CSMD1: variants seen among roughly 807,000 people sequenced by gnomAD.
The protein encoded by CSMD1 is CUB and sushi domain-containing protein 1.
In CSMD1, 213 loss-of-function variants were observed where a neutral mutation model predicts 417.5. The ratio of observed to expected loss-of-function variants is 0.51; its 90% CI spans 0.46 to 0.57. The LOEUF (loss-of-function observed/expected upper bound fraction) is 0.57, where lower values mean the gene tolerates loss of function less well. Among genes scored for constraint, CSMD1 ranks in the 20% least tolerant of loss-of-function variants. The probability of loss-of-function intolerance (pLI) is 0.00; values close to 1 mark genes in which losing one functional copy is unlikely to be tolerated. For missense variants in CSMD1, 6,923 were observed against 4,529.7 expected, an observed-to-expected ratio of 1.53 and a Z score of -15.17; for synonymous variants, 2,862 against 1,736.8, an observed-to-expected ratio of 1.65 and a Z score of -16.11.
intron 2 of CSMD1, among the ~76,000 whole-genome samples, chr8:4,526,180 A>C (rs1384907441): frequency 6.6e-6 from 1 of 152,228 alleles, no homozygotes; most frequent in Non-Finnish European, 1.5e-5. Context: ...GTGATTTTTG[A>C]GTAGAAACTT....
At chr8:4,441,569 T>A (rs1253788766) in intron 2 of CSMD1, among the ~76,000 whole-genome samples, 1 of 152,156 alleles carries the variant, frequency 6.6e-6, no homozygotes, top group East Asian at 1.9e-4. Flanking sequence ...GCCTATCTCA[T>A]CTATGCAAAC....
intron 3 of CSMD1, among the ~76,000 whole-genome samples, chr8:4,081,276 G>A (rs141085322): frequency 7.2e-5 from 11 of 152,294 alleles, no homozygotes; most frequent in South Asian, 4.1e-4. Context: ...TACGCCCAGC[G>A]ATTCTCGTCT....
chr8:3,619,248 C>A (rs1802297957), intron 7 of CSMD1, among the ~76,000 whole-genome samples: 1 of 152,174 alleles, frequency 6.6e-6, no homozygotes, highest in East Asian at 1.9e-4. Flanking sequence ...ACATGTACCC[C>A]CCAAAAACGT....
chr8:3,573,679 A>C (rs1311768730), intron 10 of CSMD1, among the ~76,000 whole-genome samples: 1 of 152,222 alleles, frequency 6.6e-6, no homozygotes, highest in Admixed American at 6.5e-5. Context: ...GCAACCCAAC[A>C]GCTTTGAGAG....
At chr8:4,250,941 G>T (rs1803027109) in intron 3 of CSMD1, among the ~76,000 whole-genome samples, 1 of 152,118 alleles carries the variant, frequency 6.6e-6, no homozygotes, top group Admixed American at 6.5e-5. Context: ...CTTTTCTTCA[G>T]ATGACACGTT....
rs1585024364 is a variant in CSMD1 at position 2,938,507 on chromosome 8, T to G, written c.*78A>C. 1 of 1,355,920 alleles carries G rather than the reference T, an allele frequency of 7.4e-7. No homozygotes were observed. The highest frequency in any genetic ancestry group is 1.5e-5 in the African/African-American group (1 of 68,856). 84.0% of individuals were successfully genotyped at this position (1,355,920 alleles called of 1,614,324 possible). On this transcript the variant is annotated 3_prime_UTR_variant, in exon 70 of 70. Transcript: ENST00000635120. Reference sequence around the variant, plus strand: ...AGTAAAGCCAGAGTGGAAGGGAGAGTGGTATATGGCACCAAAGGAATCACT... The same window carrying G: ...AGTAAAGCCAGAGTGGAAGGGAGAGGGGTATATGGCACCAAAGGAATCACT...
chr8:3,732,523 G>A lies in CSMD1; in HGVS notation c.931+21407C>T, dbSNP rs182798479. On this transcript the variant is annotated intron_variant, in intron 6 of 69. Coordinates refer to ENST00000635120, the MANE Select transcript of CSMD1 (RefSeq NM_033225.6). ...TAGCTATAAGAGGAAAATATTTGCTGAGACTCTGTATAATTTCTTAGTACA... is the reference window on the plus strand; with the variant it reads ...TAGCTATAAGAGGAAAATATTTGCTAAGACTCTGTATAATTTCTTAGTACA... Among the ~76,000 whole-genome samples, 253 of 149,940 alleles carry A rather than the reference G, an allele frequency of 1.7e-3. 2 individuals are homozygous for A. Among genetic ancestry groups the A allele is most frequent in the African/African-American group, 6.1e-3 (238 of 39,266 alleles).
intron 3 of CSMD1, among the ~76,000 whole-genome samples, chr8:4,332,552 TACACACACACACAC>T (rs368534632): frequency 0.015 from 1,951 of 128,782 alleles, 20 homozygotes; most frequent in East Asian, 0.056. Context: ...TGATATCACA[TACACACACACACAC>T]ACACACACAC....
chr8:3,657,137 T>A (rs1421763433), intron 7 of CSMD1, among the ~76,000 whole-genome samples: 1 of 152,146 alleles, frequency 6.6e-6, no homozygotes, highest in Admixed American at 6.6e-5. Context: ...CATCTGTCCC[T>A]AGCATTTGGC....
intron 5 of CSMD1, among the ~76,000 whole-genome samples, chr8:3,797,297 C>T (rs920423369): frequency 2.6e-5 from 4 of 151,984 alleles, no homozygotes; most frequent in African/African-American, 7.2e-5. Flanking sequence ...TTCCAGGAAA[C>T]GCACATGTCT....
At chr8:3,161,277 C>A (rs1056488792) in intron 38 of CSMD1, among the ~76,000 whole-genome samples, 1 of 152,028 alleles carries the variant, frequency 6.6e-6, no homozygotes, top group South Asian at 2.1e-4. Flanking sequence ...AAAATGACTA[C>A]TCTTGCCATA....
chr8:3,163,880 G>T (rs1003360869), intron 37 of CSMD1, among the ~76,000 whole-genome samples: 1 of 152,114 alleles, frequency 6.6e-6, no homozygotes, highest in Admixed American at 6.6e-5. Context: ...TAAACAAAAG[G>T]CAAAGTGAAG....
intron 2 of CSMD1, among the ~76,000 whole-genome samples, chr8:4,451,591 G>A (rs1018210369): frequency 1.3e-5 from 2 of 152,224 alleles, no homozygotes; most frequent in African/African-American, 2.4e-5. Context: ...GCCTTAAAAA[G>A]AAGACCATTT....
At chr8:4,330,185 A>G (rs561164481) in intron 3 of CSMD1, among the ~76,000 whole-genome samples, 5 of 129,160 alleles carry the variant, frequency 3.9e-5, no homozygotes, top group African/African-American at 7.6e-5. Flanking sequence ...GGTTCCTGTT[A>G]TGAAATCCAC....
chr8:4,944,686 A>G (rs1022690983), intron 1 of CSMD1, among the ~76,000 whole-genome samples: 1 of 152,222 alleles, frequency 6.6e-6, no homozygotes, highest in Non-Finnish European at 1.5e-5. Context: ...TGCAAATATC[A>G]TCACCTCACA....
At chr8:3,468,018 C>G (rs766263591) in intron 12 of CSMD1, among the ~76,000 whole-genome samples, 4 of 152,156 alleles carry the variant, frequency 2.6e-5, no homozygotes, top group Admixed American at 2.0e-4. Flanking sequence ...TTAAGGAACT[C>G]AGTTACCAAT....
chr8:3,300,279 A>G (rs1804287199), intron 25 of CSMD1, among the ~76,000 whole-genome samples: 1 of 152,336 alleles, frequency 6.6e-6, no homozygotes, highest in East Asian at 1.9e-4. Flanking sequence ...GTATTTGCAT[A>G]GAAAAAATTT....
Position 3,108,710 on chromosome 8 carries a change from A to T in CSMD1, c.6647T>A (p.Phe2216Tyr). Residue 2216 changes from phenylalanine to tyrosine, a missense_variant, in exon 44 of 70, where the codon TTC (phenylalanine) becomes TAC (tyrosine). Phe to Tyr is a conservative substitution (Grantham distance 22). Transcript: ENST00000635120. ...PDQNSPQLGV[F>Y]SGNTALETAY... ...CGTTTCGAGGGCTGTGTTGCCACTG[A>T]AAACTCCCAGCTGGGGTGAGTTCTG... 2 of 1,613,612 alleles carry T rather than the reference A, an allele frequency of 1.2e-6. No individual in the cohort carries two copies. Among genetic ancestry groups the T allele is most frequent in the Middle Eastern group, 1.6e-4 (1 of 6,062 alleles).
intron 2 of CSMD1, among the ~76,000 whole-genome samples, chr8:4,559,670 T>C (rs930709368): frequency 1.3e-5 from 2 of 152,244 alleles, no homozygotes; most frequent in South Asian, 2.1e-4. Flanking sequence ...ATGTAACCTA[T>C]ACCTGAAGGT....
Sources: gnomAD v4.1 joint callset for allele counts (sites outside exome capture counted in the v4.1 genomes callset) on GRCh38, gnomAD v4.1.1 for gene constraint, MANE v1.5 for transcripts, NCBI Gene and HGNC (gene_info 2026-07-23, HGNC 2026-07-21) for gene names.